The following ATG7 variants were observed in gnomAD, a reference collection of about 807,000 sequenced individuals.
ATG7 encodes the protein ubiquitin-like modifier-activating enzyme ATG7.
A neutral mutation model predicts 82.4 loss-of-function variants in ATG7; 70 were observed. The ratio of observed to expected loss-of-function variants is 0.85; its 90% CI spans 0.70 to 1.04. ATG7 has a LOEUF of 1.04. Ranked by LOEUF, ATG7 falls within the 50% of genes least tolerant of loss-of-function variation. The probability of loss-of-function intolerance (pLI) is 0.00; values close to 1 mark genes in which losing one functional copy is unlikely to be tolerated. For missense variants in ATG7, 792 were observed against 864.3 expected, an observed-to-expected ratio of 0.92 and a Z score of 1.05; for synonymous variants, 287 against 313.0, an observed-to-expected ratio of 0.92 and a Z score of 0.88.
chr3:11,571,320 G>A, the ATG7 span, among the ~76,000 whole-genome samples: 19 of 152,066 alleles, frequency 1.2e-4, no homozygotes, highest in Admixed American at 9.2e-4. Flanking sequence ...AATGAAACCC[G>A]AGTGCGAATG....
chr3:11,509,190 C>A (rs1470450253), intron 20 of ATG7, among the ~76,000 whole-genome samples: 1 of 152,230 alleles, frequency 6.6e-6, no homozygotes, highest in Non-Finnish European at 1.5e-5. Flanking sequence ...CGCAGCGCCA[C>A]ATGGCCAACA....
intron 20 of ATG7, chr3:11,488,218 G>C (rs1427575698): frequency 5.3e-6 from 1 of 189,894 alleles, no homozygotes; most frequent in Non-Finnish European, 9.3e-6. Flanking sequence ...GCCAGGCAGA[G>C]ACACTCCTCA....
chr3:11,314,651 C>T (rs181940642), intron 8 of ATG7, among the ~76,000 whole-genome samples: 1 of 152,178 alleles, frequency 6.6e-6, no homozygotes, highest in East Asian at 1.9e-4. Context: ...TGAATTGGGC[C>T]AGGCACGGTG....
chr3:11,537,960 G>A (rs2070459684), intron 20 of ATG7, among the ~76,000 whole-genome samples: 1 of 147,310 alleles, frequency 6.8e-6, no homozygotes, highest in Admixed American at 6.8e-5. Flanking sequence ...GAGCCAAAGT[G>A]GTACCTGGCC....
chr3:11,366,721 G>A (rs1296283932), intron 18 of ATG7, among the ~76,000 whole-genome samples: 1 of 151,672 alleles, frequency 6.6e-6, no homozygotes. Context: ...AGGCCAGAGG[G>A]CAAAACAGTC....
chr3:11,570,939 C>T, the ATG7 span, among the ~76,000 whole-genome samples: 51 of 152,298 alleles, frequency 3.3e-4, 2 homozygotes, highest in Middle Eastern at 0.02. Flanking sequence ...CTGGGTGTGT[C>T]CCCAAGACAT....
intron 20 of ATG7, among the ~76,000 whole-genome samples, chr3:11,461,270 G>A (rs2152998613): frequency 6.6e-6 from 1 of 152,334 alleles, no homozygotes; most frequent in South Asian, 2.1e-4. Flanking sequence ...TAGGAAATGT[G>A]TTCTTTACAG....
At chr3:11,476,823 T>A (rs780285494) in intron 20 of ATG7, among the ~76,000 whole-genome samples, 24 of 152,360 alleles carry the variant, frequency 1.6e-4, no homozygotes, top group Non-Finnish European at 3.4e-4. Flanking sequence ...TAACTTTCTT[T>A]TATGCATGTA....
intron 18 of ATG7, among the ~76,000 whole-genome samples, chr3:11,365,947 C>T (rs560364023): frequency 7.2e-5 from 11 of 152,196 alleles, no homozygotes; most frequent in African/African-American, 2.2e-4. Flanking sequence ...GGGCCGGGCG[C>T]GGTGACTCAT....
intron 20 of ATG7, among the ~76,000 whole-genome samples, chr3:11,532,829 A>G (rs923747081): frequency 1.3e-5 from 2 of 152,238 alleles, no homozygotes; most frequent in African/African-American, 2.4e-5. Context: ...TGTCGTTAGC[A>G]TGGTGCCTGA....
intron 15 of ATG7, among the ~76,000 whole-genome samples, 159 bp downstream of exon 15, chr3:11,358,771 C>T (rs868509018): frequency 6.6e-6 from 1 of 152,186 alleles, no homozygotes; most frequent in Non-Finnish European, 1.5e-5. Context: ...CTTTGCCTCG[C>T]ACACCATCAC....
At position 11,534,336 on chromosome 3, in the gene ATG7, GA is replaced by G. The variant is rs148323106; in HGVS notation, c.2080-20474del. Among the ~76,000 whole-genome samples the G allele has an allele frequency of 7.9e-3, 1,199 of 152,362 alleles. 12 individuals are homozygous for G. Among genetic ancestry groups the G allele is most frequent in the African/African-American group, 0.028 (1,147 of 41,586 alleles). On this transcript the variant is annotated intron_variant, in intron 20 of 20. Transcript: ENST00000693202. ...GCAAAGGCATCTATATTTAGGTAGGGACACCAGCTTGCCAAGGTAAAGAAGG... is the reference window on the plus strand; with the variant it reads ...GCAAAGGCATCTATATTTAGGTAGGGCACCAGCTTGCCAAGGTAAAGAAGG...
At chr3:11,554,732 G>T in intron 20 of ATG7, 79 bp from the exon 21 acceptor site, 1 of 1,552,748 alleles carries the variant, frequency 6.4e-7, no homozygotes, top group South Asian at 1.2e-5. Context: ...TGCCATGACT[G>T]CTGCGGTTTT....
rs573692789 is a variant in ATG7 at position 11,318,317 on chromosome 3, C to T, written c.678+2824C>T. 4.6e-5 allele frequency among the ~76,000 whole-genome samples: 7 copies of T among 152,340 alleles called. No individual in the cohort carries two copies. In the East Asian group the frequency reaches 1.4e-3, roughly 29 times the overall value. ...TGAGATACAGTTGTACTTGTTCTCA[C>T]ACCACCTAAGGTCTTCTAGAGGAGA... On this transcript the variant is annotated intron_variant, in intron 9 of 20. Coordinates refer to ENST00000693202, the MANE Select transcript of ATG7 (RefSeq NM_001349232.2).
chr3:11,568,752 G>C, the ATG7 span: 1 of 1,515,664 alleles, frequency 6.6e-7, no homozygotes, highest in Non-Finnish European at 8.8e-7. The surrounding 1 kb of genome is among the most constrained non-coding windows in gnomAD (Gnocchi z 5.9). Flanking sequence ...CATCCTGCCC[G>C]GGAGATGGAA....
At chr3:11,364,809 T>C in intron 18 of ATG7, 75 bp downstream of exon 18, 1 of 1,513,584 alleles carries the variant, frequency 6.6e-7, no homozygotes, top group Non-Finnish European at 9.1e-7. Context: ...TGCCATTCCA[T>C]CTGCCCAGCC....
rs1294447865 is a variant in ATG7 at position 11,315,330 on chromosome 3, T to G, written c.529-14T>G. 3 of 1,540,844 alleles carry G rather than the reference T, an allele frequency of 1.9e-6. No individual in the cohort carries two copies. The African/African-American group carries it at 4.2e-5, about 22-fold the overall frequency. On this transcript the variant is annotated splice_polypyrimidine_tract_variant and intron_variant, in intron 8 of 20. Coordinates refer to ENST00000693202, the MANE Select transcript of ATG7 (RefSeq NM_001349232.2). ...TAATTTTCTAGAGAATAACAACGTG[T>G]TTTCTGTTTTCAGATTGAAGCACTA...
chr3:11,311,144 C>G (rs1432586905), intron 7 of ATG7, among the ~76,000 whole-genome samples: 1 of 152,074 alleles, frequency 6.6e-6, no homozygotes, highest in Non-Finnish European at 1.5e-5. Flanking sequence ...GTTTACTGAG[C>G]ATTCTTAGCC....
chr3:11,342,263 T>G lies in ATG7; in HGVS notation c.1109T>G (p.Val370Gly). 1.2e-6 allele frequency: 2 copies of G among 1,613,098 alleles called. No homozygotes were observed. Among genetic ancestry groups the G allele is most frequent in the Non-Finnish European group, 1.7e-6 (2 of 1,179,838 alleles). Residue 370 changes from valine (V) to glycine (G), a missense_variant, in exon 13 of 21, where the codon GTA becomes GGA. Physicochemically the swap from Val to Gly is moderately radical, Grantham distance 109. Transcript: ENST00000693202. ...GGAGCCGGCACCTTGGGTTGCAATG[T>G]AGCTAGGACGTTGATGGTAAGTCGG... ...LLGAGTLGCNVARTLMGWGVR... is the reference protein window; with the variant it reads ...LLGAGTLGCNGARTLMGWGVR...
Sources: gnomAD v4.1 joint callset for allele counts (sites outside exome capture counted in the v4.1 genomes callset) on GRCh38, gnomAD v4.1.1 for gene constraint, Gnocchi (gnomAD v3.1) non-coding constraint, MANE v1.5 for transcripts, NCBI Gene and HGNC (gene_info 2026-07-23, HGNC 2026-07-21) for gene names.